The following SLC27A6 variants were observed in gnomAD, a reference collection of about 807,000 sequenced individuals.
SLC27A6 encodes long-chain fatty acid transport protein 6.
SLC27A6 carries 74 observed loss-of-function variants against 63.9 expected under a neutral mutation model. The ratio of observed to expected loss-of-function variants is 1.16; its 90% CI spans 0.96 to 1.40. The LOEUF (loss-of-function observed/expected upper bound fraction) is 1.40, where lower values mean the gene tolerates loss of function less well. SLC27A6 is among the 40% of genes most tolerant of loss of function. The pLI, the probability that SLC27A6 is intolerant of heterozygous loss-of-function variation, is 0.00. For synonymous variants in SLC27A6, 287 were observed against 260.8 expected (o/e 1.10, Z -0.97); for missense variants, 794 against 732.9 (o/e 1.08, Z -0.96).
At chr5:129,009,592 C>T (rs1201686566) in intron 4 of SLC27A6, among the ~76,000 whole-genome samples, 1 of 151,420 alleles carries the variant, frequency 6.6e-6, no homozygotes, top group South Asian at 2.1e-4. Flanking sequence ...AATAATTGTC[C>T]CATTTTTATA....
At chr5:129,007,312 C>G (rs1428004463) in intron 4 of SLC27A6, among the ~76,000 whole-genome samples, 1 of 151,586 alleles carries the variant, frequency 6.6e-6, no homozygotes, top group Non-Finnish European at 1.5e-5. Flanking sequence ...GGTGTGGTGG[C>G]ACGTACCTGT....
At chr5:129,010,636 A>T (rs1342669523) in intron 4 of SLC27A6, among the ~76,000 whole-genome samples, 4 of 152,166 alleles carry the variant, frequency 2.6e-5, no homozygotes, top group Non-Finnish European at 4.4e-5. Flanking sequence ...ATCTAAGAGC[A>T]GCCCCCAGCT....
Position 129,029,948 on chromosome 5 carries a change from C to T in SLC27A6, c.1683+241C>T, listed in dbSNP as rs940960116. On this transcript the variant is annotated intron_variant, in intron 9 of 9. Transcript: ENST00000262462. ...TTGCTCTCTTCCTCTTCAGTCAGGA[C>T]CTCAGAGCAAAATGATGGTCCCAGT... 2.0e-5 allele frequency among the ~76,000 whole-genome samples: 3 copies of T among 151,944 alleles called. No individual in the cohort carries two copies. The East Asian group carries it at 5.8e-4, about 29-fold the overall frequency.
intron 4 of SLC27A6, among the ~76,000 whole-genome samples, chr5:128,995,754 C>G (rs965256238): frequency 1.3e-5 from 2 of 152,112 alleles, no homozygotes; most frequent in Admixed American, 1.3e-4. Context: ...TTGACTAGAT[C>G]TTGTAGGGCT....
chr5:129,015,798 A>G, intron 4 of SLC27A6, 87 bp from the exon 5 acceptor site: 1 of 928,384 alleles, frequency 1.1e-6, no homozygotes, highest in Admixed American at 2.7e-5. Context: ...TATGCAGTTT[A>G]CGTCTATGAT....
rs1005093564 is a variant in SLC27A6 at position 129,023,070 on chromosome 5, C to T, written c.1165-550C>T. Among the ~76,000 whole-genome samples the T allele has an allele frequency of 7.3e-5, 11 of 151,696 alleles. 1 individual carries two copies. In the East Asian group the frequency reaches 1.2e-3, roughly 16 times the overall value. ...GAAGCACTGAATGTTAGTTTAGGAGCGTTACAGTGAAAGGCTCAGGGGAAA... is the reference window on the plus strand; with the variant it reads ...GAAGCACTGAATGTTAGTTTAGGAGTGTTACAGTGAAAGGCTCAGGGGAAA... On this transcript the variant is annotated intron_variant, in intron 5 of 9. Coordinates refer to ENST00000262462, the MANE Select transcript of SLC27A6 (RefSeq NM_001017372.3).
chr5:129,007,016 A>T (rs1437398776), intron 4 of SLC27A6, among the ~76,000 whole-genome samples: 1 of 152,236 alleles, frequency 6.6e-6, no homozygotes, highest in Non-Finnish European at 1.5e-5. Flanking sequence ...AATTCTAGAT[A>T]AATGTAATAG....
At chr5:129,011,097 T>C (rs1383781701) in intron 4 of SLC27A6, among the ~76,000 whole-genome samples, 1 of 152,216 alleles carries the variant, frequency 6.6e-6, no homozygotes, top group Non-Finnish European at 1.5e-5. Flanking sequence ...TTAATATGAT[T>C]AATGATGCTA....
chr5:129,023,802 G>A (rs1186747033), intron 6 of SLC27A6, 92 bp downstream of exon 6: 22 of 882,570 alleles, frequency 2.5e-5, no homozygotes, highest in Non-Finnish European at 3.6e-6. Flanking sequence ...ATTGGTTCCA[G>A]GACCCCGGGT....
In SLC27A6 at chr5:129,005,308, A is replaced by C. The variant is rs185917578; in HGVS notation, c.970-10577A>C. On this transcript the variant is annotated intron_variant, in intron 4 of 9. Transcript: ENST00000262462. ...GGGATAAAGCCCTTTCCTGAGAAGG[A>C]AACATAAAAGGAAAACACATGGGAA... Among the ~76,000 whole-genome samples the C allele has an allele frequency of 2.4e-4, 37 of 152,346 alleles. No homozygotes were observed. In the East Asian group the frequency reaches 6.9e-3, roughly 29 times the overall value.
intron 4 of SLC27A6, among the ~76,000 whole-genome samples, chr5:129,003,433 C>T (rs554937306): frequency 2.0e-5 from 3 of 152,162 alleles, no homozygotes; most frequent in Non-Finnish European, 4.4e-5. Flanking sequence ...ATGAAAGACT[C>T]AAACTTGCTG....
At position 128,988,626 on chromosome 5, in the gene SLC27A6, C is replaced by A. The variant is rs774936372; in HGVS notation, c.712C>A (p.Gln238Lys). Residue 238 changes from glutamine (Q) to lysine (K), a missense_variant, in exon 3 of 10, where the codon CAG becomes AAG. Coordinates refer to ENST00000262462, the MANE Select transcript of SLC27A6 (RefSeq NM_001017372.3). ...TCTACCAAAAGCAGCTGTGATTAGT[C>A]AGCTGCAGGTTTTAAGGGGTTCTGC... The part of the protein sequence containing the change: ...TGLPKAAVIS[Q>K]LQVLRGSAVL... 3 of 1,613,982 alleles carry A rather than the reference C, an allele frequency of 1.9e-6. No homozygotes were observed.
chr5:128,984,373 A>G (rs1043989309), intron 1 of SLC27A6, among the ~76,000 whole-genome samples: 1 of 152,056 alleles, frequency 6.6e-6, no homozygotes, highest in African/African-American at 2.4e-5. Context: ...TCTTGAACAG[A>G]TGATATTTTT....
chr5:128,988,834 C>A, intron 3 of SLC27A6, 76 bp downstream of exon 3: 3 of 1,196,174 alleles, frequency 2.5e-6, no homozygotes, highest in Non-Finnish European at 2.4e-6. Flanking sequence ...ACATTTGAAG[C>A]TGTATCGGTA....
At chr5:128,994,073 C>T (rs1751071736) in intron 4 of SLC27A6, among the ~76,000 whole-genome samples, 1 of 152,030 alleles carries the variant, frequency 6.6e-6, no homozygotes, top group Admixed American at 6.6e-5. Flanking sequence ...GAGGCTGAGG[C>T]AGGAGAATTG....
chr5:128,979,741 A>T (rs257903), intron 1 of SLC27A6, among the ~76,000 whole-genome samples: 1 of 152,010 alleles, frequency 6.6e-6, no homozygotes, highest in Admixed American at 6.6e-5. Flanking sequence ...GTGTTATTAT[A>T]TTATAATAAT....
chr5:129,019,310 G>A (rs1752000919), intron 5 of SLC27A6, among the ~76,000 whole-genome samples: 1 of 151,794 alleles, frequency 6.6e-6, no homozygotes, highest in Non-Finnish European at 1.5e-5. Flanking sequence ...CCTGGGGAAA[G>A]TAACTAGGAA....
chr5:129,030,529 A>T (rs1191315874), intron 9 of SLC27A6, among the ~76,000 whole-genome samples: 3 of 152,060 alleles, frequency 2.0e-5, no homozygotes, highest in African/African-American at 7.2e-5. Flanking sequence ...CCTCTGAACT[A>T]TCATAATACC....
intron 4 of SLC27A6, among the ~76,000 whole-genome samples, chr5:128,999,216 AT>A (rs1193003235): frequency 1.3e-5 from 2 of 152,118 alleles, no homozygotes; most frequent in Non-Finnish European, 2.9e-5. Context: ...GCTTCACAAG[AT>A]TTTTTTATTA....
Sources: allele counts gnomAD v4.1 joint callset (sites outside exome capture counted in the v4.1 genomes callset), GRCh38; gene constraint gnomAD v4.1.1; transcripts MANE v1.5; gene names NCBI Gene and HGNC (gene_info 2026-07-23, HGNC 2026-07-21).